Variants in KSR1 observed in about 807,000 individuals in gnomAD.
The protein encoded by KSR1 is kinase suppressor of ras 1.
A neutral mutation model predicts 92.9 loss-of-function variants in KSR1; 35 were observed. That is an observed-to-expected ratio of 0.38 (90% CI 0.29 to 0.50). The LOEUF (loss-of-function observed/expected upper bound fraction) is 0.50. KSR1 is among the 20% of genes least tolerant of loss of function. The pLI, the probability that KSR1 is intolerant of heterozygous loss-of-function variation, is 0.94. For missense variants in KSR1, 972 were observed against 1,158.5 expected, an observed-to-expected ratio of 0.84 and a Z score of 2.34; for synonymous variants, 467 against 472.6, an observed-to-expected ratio of 0.99 and a Z score of 0.15.
chr17:27,525,737 C>G (rs1038812398), intron 1 of KSR1, among the ~76,000 whole-genome samples: 1 of 152,250 alleles, frequency 6.6e-6, no homozygotes, highest in Non-Finnish European at 1.5e-5. Flanking sequence ...AATCTTCAGG[C>G]AGCTGACCTT....
At chr17:27,616,564 C>G (rs1474412319) in intron 18 of KSR1, among the ~76,000 whole-genome samples, 1 of 152,198 alleles carries the variant, frequency 6.6e-6, no homozygotes, top group Non-Finnish European at 1.5e-5. Flanking sequence ...TTTGATCTCT[C>G]TCTGGTTTTC....
chr17:27,482,420 C>T (rs2068538918), intron 1 of KSR1, among the ~76,000 whole-genome samples: 1 of 152,168 alleles, frequency 6.6e-6, no homozygotes, highest in South Asian at 2.1e-4. Context: ...CAGGTGGGAA[C>T]AACCCATTGT....
intron 19 of KSR1, among the ~76,000 whole-genome samples, chr17:27,620,784 C>G (rs1470882804): frequency 6.6e-6 from 1 of 152,222 alleles, no homozygotes; most frequent in Non-Finnish European, 1.5e-5. Flanking sequence ...AAAGGCTCCA[C>G]TAGGTGGACA....
intron 1 of KSR1, among the ~76,000 whole-genome samples, chr17:27,482,450 G>C (rs1364750604): frequency 6.6e-6 from 1 of 152,124 alleles, no homozygotes; most frequent in Non-Finnish European, 1.5e-5. Context: ...TAAGATGCTA[G>C]CTCAATAAAG....
At chr17:27,466,272 A>G (rs987957245) in intron 1 of KSR1, among the ~76,000 whole-genome samples, 1 of 152,202 alleles carries the variant, frequency 6.6e-6, no homozygotes, top group Non-Finnish European at 1.5e-5. Context: ...TGAGTTTCCA[A>G]ATAAAATTGG....
chr17:27,620,916 A>G, intron 19 of KSR1: 1 of 313,716 alleles, frequency 3.2e-6, no homozygotes, highest in Non-Finnish European at 5.8e-6. Context: ...CGAGGAAAGC[A>G]TGCGGGCTTT....
At chr17:27,554,572 C>T (rs975921068) in intron 2 of KSR1, among the ~76,000 whole-genome samples, 16 of 152,246 alleles carry the variant, frequency 1.1e-4, no homozygotes, top group Non-Finnish European at 1.5e-5. Context: ...GCCTGATGAT[C>T]TGTCACTGTC....
At chr17:27,470,942 G>A (rs1260024086) in intron 1 of KSR1, among the ~76,000 whole-genome samples, 1 of 151,522 alleles carries the variant, frequency 6.6e-6, no homozygotes, top group African/African-American at 2.4e-5. Flanking sequence ...ACAATCTTGG[G>A]TCACTGCAAC....
At chr17:27,517,575 C>T (rs1197777263) in intron 1 of KSR1, among the ~76,000 whole-genome samples, 1 of 152,212 alleles carries the variant, frequency 6.6e-6, no homozygotes, top group Admixed American at 6.5e-5. Flanking sequence ...GGATTACAGG[C>T]TTCGGCCACT....
intron 2 of KSR1, among the ~76,000 whole-genome samples, chr17:27,562,221 C>T (rs1030520632): frequency 6.6e-6 from 1 of 152,186 alleles, no homozygotes; most frequent in Non-Finnish European, 1.5e-5. Flanking sequence ...ACTAGAAGCA[C>T]CATGTTGGCA....
intron 1 of KSR1, among the ~76,000 whole-genome samples, chr17:27,493,187 T>C (rs2068878036): frequency 1.3e-5 from 2 of 152,330 alleles, no homozygotes; most frequent in South Asian, 4.1e-4. Context: ...GGGACTATTA[T>C]TATCCACACT....
At chr17:27,509,422 C>T (rs561023259) in intron 1 of KSR1, among the ~76,000 whole-genome samples, 1 of 152,096 alleles carries the variant, frequency 6.6e-6, no homozygotes, top group Non-Finnish European at 1.5e-5. Flanking sequence ...TCCCGGGTAG[C>T]TGGGACTACA....
At chr17:27,547,332 G>C (rs1284290205) in intron 1 of KSR1, among the ~76,000 whole-genome samples, 12 of 152,170 alleles carry the variant, frequency 7.9e-5, no homozygotes, top group African/African-American at 2.7e-4. Context: ...TAGAATTCAG[G>C]GGGTCCATCG....
intron 10 of KSR1, among the ~76,000 whole-genome samples, chr17:27,601,134 C>T (rs1373903659): frequency 6.6e-6 from 1 of 152,242 alleles, no homozygotes; most frequent in Non-Finnish European, 1.5e-5. Context: ...CCCAATCCTC[C>T]AGTGCAAGCC....
intron 2 of KSR1, chr17:27,560,286 G>T: frequency 1.3e-5 from 5 of 390,520 alleles, no homozygotes; most frequent in African/African-American, 2.1e-5. Context: ...TTTTTCTTTA[G>T]CAATTTCCCG....
intron 18 of KSR1, among the ~76,000 whole-genome samples, chr17:27,615,362 G>A (rs1484207112): frequency 6.6e-6 from 1 of 152,198 alleles, no homozygotes; most frequent in Non-Finnish European, 1.5e-5. Flanking sequence ...GATTCACTGG[G>A]ATTACATTTT....
At position 27,559,737 on chromosome 17, in the gene KSR1, G is replaced by A. The variant is rs1360625872; in HGVS notation, c.372+9029G>A. Among the ~76,000 whole-genome samples the A allele has an allele frequency of 6.6e-6, 1 of 152,212 alleles. No homozygotes were observed. The highest frequency in any genetic ancestry group is 1.5e-5 in the Non-Finnish European group (1 of 68,042). ...TCATCCTGGGTAGTCAGGGAAAGAC[G>A]GATGTCCGGGAAGGCAAGAGCACAC... On this transcript the variant is annotated intron_variant, in intron 2 of 20. Coordinates refer to ENST00000644974, the MANE Select transcript of KSR1 (RefSeq NM_001394583.1). The surrounding 1 kb of genome is among the most constrained non-coding windows in gnomAD (Gnocchi z 4.2).
At position 27,582,657 on chromosome 17, in the gene KSR1, A is replaced by C. The variant is rs750611549; in HGVS notation, c.532A>C (p.Lys178Gln). The C allele has an allele frequency of 1.2e-6, 2 of 1,609,144 alleles. No homozygotes were observed. The highest frequency in any genetic ancestry group is 2.2e-5 in the South Asian group (2 of 90,658). Residue 178 changes from lysine (K) to glutamine (Q), a missense_variant, in exon 4 of 21, where the codon AAG (lysine) becomes CAG (glutamine). Transcript: ENST00000644974. ...GTCTTGGTCCACAGGAGGGGAGCAC[A>C]AGGAGGACTCCAGTTGGAGTTCATT... ...RKVTGLGGEHKEDSSWSSLDA... is the reference protein window; with the variant it reads ...RKVTGLGGEHQEDSSWSSLDA...
chr17:27,537,040 C>T (rs1211904652), intron 1 of KSR1, among the ~76,000 whole-genome samples: 3 of 152,234 alleles, frequency 2.0e-5, no homozygotes, highest in African/African-American at 7.2e-5. Flanking sequence ...CACCCACTGC[C>T]AGGAGCGGGG....
Sources: gnomAD v4.1 joint callset for allele counts (sites outside exome capture counted in the v4.1 genomes callset) on GRCh38, gnomAD v4.1.1 for gene constraint, Gnocchi (gnomAD v3.1) non-coding constraint, MANE v1.5 for transcripts, NCBI Gene and HGNC (gene_info 2026-07-23, HGNC 2026-07-21) for gene names.